COQ3: variants seen among roughly 807,000 people sequenced by gnomAD.
COQ3 encodes coenzyme Q3, methyltransferase, also known as ubiquinone biosynthesis O-methyltransferase, mitochondrial.
COQ3 carries 29 observed loss-of-function variants against 33.1 expected under a neutral mutation model. The observed-to-expected ratio is 0.88, with a 90% confidence interval of 0.65 to 1.19. The LOEUF (loss-of-function observed/expected upper bound fraction) is 1.19, where lower values mean the gene tolerates loss of function less well. Among genes scored for constraint, COQ3 ranks in the 50% most tolerant of loss-of-function variants. The pLI is 0.00. For missense variants in COQ3, 437 were observed against 430.7 expected (o/e 1.01, Z -0.13); for synonymous variants, 173 against 157.8 (o/e 1.10, Z -0.72).
intron 1 of COQ3, among the ~76,000 whole-genome samples, chr6:99,393,343 C>CTA (rs1450376484): frequency 6.6e-6 from 1 of 152,036 alleles, no homozygotes. Flanking sequence ...AACTAATAAC[C>CTA]TTTATTAATG....
chr6:99,389,037 T>C (rs574785936), intron 1 of COQ3, among the ~76,000 whole-genome samples: 1 of 152,210 alleles, frequency 6.6e-6, no homozygotes, highest in South Asian at 2.1e-4. Flanking sequence ...ATTTCCTGGC[T>C]TCAACAATGT....
intron 6 of COQ3, among the ~76,000 whole-genome samples, chr6:99,371,058 G>A (rs186353883): frequency 2.6e-5 from 4 of 152,262 alleles, no homozygotes; most frequent in East Asian, 1.9e-4. Flanking sequence ...TAACTGTGGT[G>A]GAATCAGGAA....
rs747798585 is a variant in COQ3 at position 99,383,733 on chromosome 6, C to T, written c.198G>A (p.Thr66=). ...TTATTCTGTTCAAACAGGAAAAGAT[C>T]GTCCTGTAGGATTTGAACCATATGG... ...YRTIWFKSYR[T]IFSCLNRIKS... The change falls in exon 2 of 7, where the codon ACG becomes ACA. Residue 66 remains threonine (T), a synonymous_variant. Coordinates refer to ENST00000254759, the MANE Select transcript of COQ3 (RefSeq NM_017421.4). 22 of 1,602,778 alleles carry T rather than the reference C, an allele frequency of 1.4e-5. No individual in the cohort carries two copies. The East Asian group carries it at 2.7e-4, about 20-fold the overall frequency.
chr6:99,385,833 TG>T (rs1416085535), intron 1 of COQ3, among the ~76,000 whole-genome samples: 1 of 150,996 alleles, frequency 6.6e-6, no homozygotes, highest in African/African-American at 2.4e-5. Context: ...AAAAATTAGC[TG>T]GGGATGGTGG....
Position 99,394,144 on chromosome 6 carries a change from AC to A in COQ3, c.35del (p.Gly12ValfsTer4). 6.2e-7 allele frequency: 1 copy of A among 1,607,280 alleles called. No individual in the cohort carries two copies. The highest frequency in any genetic ancestry group is 1.1e-5 in the South Asian group (1 of 90,846). On this transcript the variant is annotated frameshift_variant, in exon 1 of 7. Coordinates refer to ENST00000254759, the MANE Select transcript of COQ3 (RefSeq NM_017421.4). LOFTEE classifies it high-confidence loss of function. ...CAGGCCCCAGCACTCTTAAAAACCA[AC>A]CCCCGGAGGAGCCCAGCTTACGGCC... Reference protein sequence around the residue: ...WSGRKLGSSGGWFLRVLGPGG... With the variant: ...WSGRKLGSSGXWFLRVLGPGG...
intron 1 of COQ3, among the ~76,000 whole-genome samples, chr6:99,390,666 A>G (rs1259621877): frequency 1.3e-5 from 2 of 152,192 alleles, no homozygotes; most frequent in African/African-American, 2.4e-5. Flanking sequence ...AATCAAATAC[A>G]TGAAAATGGT....
intron 1 of COQ3, among the ~76,000 whole-genome samples, chr6:99,386,160 G>A (rs1375953092): frequency 6.6e-6 from 1 of 151,792 alleles, no homozygotes; most frequent in Non-Finnish European, 1.5e-5. Flanking sequence ...CCGGGTGAGG[G>A]GGCTCACATC....
chr6:99,378,478 G>C (rs1163840354), intron 3 of COQ3, among the ~76,000 whole-genome samples: 1 of 151,974 alleles, frequency 6.6e-6, no homozygotes, highest in Non-Finnish European at 1.5e-5. Context: ...TTTAACCATA[G>C]CTTGCACTGC....
rs1774058889 is a variant in COQ3 at position 99,369,445 on chromosome 6, T to C, written c.*155A>G. The C allele has an allele frequency of 6.6e-6, 4 of 607,470 alleles. No homozygotes were observed. In the Admixed American group the frequency reaches 1.2e-4, roughly 19 times the overall value. The allele number at this position is 607,470 out of a possible 1,614,324, so 37.6% of individuals were successfully genotyped here. A position where few individuals can be genotyped will look rare whatever the true frequency, so the allele number is the denominator to read the frequency against. On this transcript the variant is annotated 3_prime_UTR_variant, in exon 7 of 7. Coordinates refer to ENST00000254759, the MANE Select transcript of COQ3 (RefSeq NM_017421.4). ...ATTCACAGAATCCCTTGAAAGTAGC[T>C]ATTAGACGAAATAACAAAAACTTTT...
At chr6:99,382,854 G>A (rs1166238819) in intron 2 of COQ3, among the ~76,000 whole-genome samples, 2 of 152,092 alleles carry the variant, frequency 1.3e-5, no homozygotes, top group Non-Finnish European at 2.9e-5. Flanking sequence ...TCAGGAGACT[G>A]AGGCAGGAGA....
chr6:99,376,117 T>G lies in COQ3; in HGVS notation c.552A>C (p.Ala184=), dbSNP rs1774276125. The change falls in exon 5 of 7, where the codon GCA becomes GCC. Residue 184 remains alanine, a synonymous_variant. Coordinates refer to ENST00000254759, the MANE Select transcript of COQ3 (RefSeq NM_017421.4). ...CTGGATCAAATGATTTATGGCATTG[T>G]GCTGTTTTAATGTTCTCATCCACAG... ...IDPVDENIKT[A]QCHKSFDPVL... is the part of the protein sequence containing the mutation. 1.2e-6 allele frequency: 2 copies of G among 1,614,128 alleles called. No homozygotes were observed. Among genetic ancestry groups the G allele is most frequent in the Non-Finnish European group, 8.5e-7 (1 of 1,179,972 alleles).
At chr6:99,370,856 C>T (rs1466813738) in intron 6 of COQ3, among the ~76,000 whole-genome samples, 1 of 151,968 alleles carries the variant, frequency 6.6e-6, no homozygotes, top group Admixed American at 6.6e-5. Context: ...CAGAATTCAT[C>T]ACATAAATCG....
At position 99,369,782 on chromosome 6, in the gene COQ3, T is replaced by G. The variant is rs780418743; in HGVS notation, c.928A>C (p.Asn310His). Residue 310 changes from asparagine (N) to histidine (H), a missense_variant, in exon 7 of 7, where the codon AAC (asparagine) becomes CAC (histidine). Transcript: ENST00000254759. The stretch of plus-strand genomic sequence containing the variant: ...CAATGCCAGTAACCTGAGAAGGGGT[T>G]ATAGAGCATTCCTACCACTGTTTGA... ...SVQTVVGMLY[N>H]PFSGYWHWSE... 6.2e-7 allele frequency: 1 copy of G among 1,613,044 alleles called. No homozygotes were observed. Among genetic ancestry groups the G allele is most frequent in the Non-Finnish European group, 8.5e-7 (1 of 1,179,406 alleles).
Position 99,379,946 on chromosome 6 carries a change from A to G in COQ3, c.386+243T>C, listed in dbSNP as rs1459243160. On this transcript the variant is annotated intron_variant, in intron 3 of 6. Coordinates refer to ENST00000254759, the MANE Select transcript of COQ3 (RefSeq NM_017421.4). ...TTTGCTTTTATAAGAACTTAATTATAATTAACTTGATAATATACAAATAGG... is the reference window on the plus strand; with the variant it reads ...TTTGCTTTTATAAGAACTTAATTATGATTAACTTGATAATATACAAATAGG... Among the ~76,000 whole-genome samples, 3 of 152,152 alleles carry G rather than the reference A, an allele frequency of 2.0e-5. No individual in the cohort carries two copies. The East Asian group carries it at 5.8e-4, about 29-fold the overall frequency.
chr6:99,385,849 C>A (rs1774633016), intron 1 of COQ3, among the ~76,000 whole-genome samples: 1 of 151,326 alleles, frequency 6.6e-6, no homozygotes, highest in Non-Finnish European at 1.5e-5. Context: ...TGGTGGTACA[C>A]ACCTGTAGTC....
intron 1 of COQ3, among the ~76,000 whole-genome samples, chr6:99,386,028 G>A (rs1337974631): frequency 3.1e-5 from 4 of 129,462 alleles, no homozygotes; most frequent in Non-Finnish European, 4.9e-5. Context: ...AAAAAGAAAA[G>A]GAAGAAAGGC....
chr6:99,375,386 C>CTT (rs895746698), intron 5 of COQ3, among the ~76,000 whole-genome samples: 7 of 139,086 alleles, frequency 5.0e-5, no homozygotes, highest in Admixed American at 1.5e-4. Context: ...CAATATTTTT[C>CTT]TTTTTTTTTT....
At chr6:99,386,082 G>C (rs1055380495) in intron 1 of COQ3, among the ~76,000 whole-genome samples, 7 of 151,600 alleles carry the variant, frequency 4.6e-5, no homozygotes, top group African/African-American at 1.5e-4. Context: ...ACTAGAAAAA[G>C]GTGAGCAAAA....
chr6:99,388,926 CA>C (rs1562210397), intron 1 of COQ3, among the ~76,000 whole-genome samples: 20,507 of 121,336 alleles, frequency 0.17, 1,761 homozygotes, highest in Non-Finnish European at 0.24. Context: ...CACACACACA[CA>C]CACACACCCA....
Sources: gnomAD v4.1 joint callset for allele counts (sites outside exome capture counted in the v4.1 genomes callset) on GRCh38, gnomAD v4.1.1 for gene constraint, MANE v1.5 for transcripts, NCBI Gene and HGNC (gene_info 2026-07-23, HGNC 2026-07-21) for gene names.